Variants in ANKS1B observed in about 807,000 individuals in gnomAD.
The protein encoded by ANKS1B is ankyrin repeat and sterile alpha motif domain-containing protein 1B.
ANKS1B carries 36 observed loss-of-function variants against 148.3 expected under a neutral mutation model. The ratio of observed to expected loss-of-function variants is 0.24; its 90% confidence interval spans 0.19 to 0.32. The LOEUF is 0.32. Ranked by LOEUF, ANKS1B falls within the 10% of genes least tolerant of loss-of-function variation. The probability of loss-of-function intolerance (pLI) is 1.00; values close to 1 mark genes in which losing one functional copy is unlikely to be tolerated. For missense variants in ANKS1B, 1,157 were observed against 1,542.6 expected (o/e 0.75, Z 4.19); for synonymous variants, 542 against 560.8 (o/e 0.97, Z 0.47).
At chr12:99,652,154 A>C (rs1170569652) in intron 9 of ANKS1B, among the ~76,000 whole-genome samples, 3 of 151,106 alleles carry the variant, frequency 2.0e-5, no homozygotes, top group Admixed American at 2.0e-4. Flanking sequence ...ATTCACAGAC[A>C]CACACACACA....
At chr12:99,335,892 C>G (rs1481295118) in intron 12 of ANKS1B, among the ~76,000 whole-genome samples, 1 of 152,100 alleles carries the variant, frequency 6.6e-6, no homozygotes, top group East Asian at 1.9e-4. Context: ...AATGGGATTT[C>G]TGGATCATAT....
intron 12 of ANKS1B, among the ~76,000 whole-genome samples, chr12:99,336,516 C>A (rs2152308245): frequency 6.6e-6 from 1 of 151,992 alleles, no homozygotes; most frequent in South Asian, 2.1e-4. Context: ...AGATGTATGT[C>A]TTTAATCCAC....
At chr12:99,895,416 AC>A (rs1284162883) in intron 1 of ANKS1B, among the ~76,000 whole-genome samples, 17 of 131,716 alleles carry the variant, frequency 1.3e-4, no homozygotes, top group African/African-American at 4.4e-4. Flanking sequence ...CAATCCATCA[AC>A]CCCCAACCCG....
At chr12:99,728,084 A>G (rs2058784583) in intron 8 of ANKS1B, among the ~76,000 whole-genome samples, 1 of 152,226 alleles carries the variant, frequency 6.6e-6, no homozygotes, top group African/African-American at 2.4e-5. Context: ...CAAAGACTTC[A>G]TGATGAAAAC....
intron 1 of ANKS1B, among the ~76,000 whole-genome samples, chr12:99,919,066 T>C (rs1251742537): frequency 6.6e-6 from 1 of 152,020 alleles, no homozygotes; most frequent in Non-Finnish European, 1.5e-5. Flanking sequence ...ATCCTTATCA[T>C]TTAGCATCAC....
chr12:99,424,381 G>C (rs988214113), intron 11 of ANKS1B, among the ~76,000 whole-genome samples: 11 of 152,054 alleles, frequency 7.2e-5, no homozygotes, highest in African/African-American at 2.7e-4. Context: ...TCTAGGTTTG[G>C]AATATAGACT....
At chr12:98,827,521 T>C (rs939198337) in intron 19 of ANKS1B, among the ~76,000 whole-genome samples, 1 of 152,196 alleles carries the variant, frequency 6.6e-6, no homozygotes, top group Non-Finnish European at 1.5e-5. Flanking sequence ...GCATTTCTGA[T>C]TGGAGTGACC....
At chr12:99,775,898 C>A (rs1483740550) in intron 6 of ANKS1B, among the ~76,000 whole-genome samples, 1 of 152,052 alleles carries the variant, frequency 6.6e-6, no homozygotes, top group Non-Finnish European at 1.5e-5. Flanking sequence ...AACTCTTGAA[C>A]CCCTTTCTTC....
chr12:99,146,078 G>A (rs1236516958), intron 15 of ANKS1B, among the ~76,000 whole-genome samples: 1 of 152,020 alleles, frequency 6.6e-6, no homozygotes, highest in Non-Finnish European at 1.5e-5. Flanking sequence ...TACAGTATAT[G>A]GTGAGAATTA....
At chr12:99,740,755 G>A (rs2060021631) in intron 8 of ANKS1B, among the ~76,000 whole-genome samples, 1 of 152,142 alleles carries the variant, frequency 6.6e-6, no homozygotes, top group South Asian at 2.1e-4. Flanking sequence ...AGGGCAAGCT[G>A]AAGCTGGGTG....
intron 17 of ANKS1B, among the ~76,000 whole-genome samples, chr12:98,912,677 T>G (rs1053337974): frequency 2.0e-5 from 3 of 152,228 alleles, no homozygotes; most frequent in African/African-American, 7.2e-5. Context: ...TGGAGACTGG[T>G]GCTAACAAGT....
At chr12:99,827,546 AAAAC>A (rs2083360691) in intron 1 of ANKS1B, among the ~76,000 whole-genome samples, 1 of 152,180 alleles carries the variant, frequency 6.6e-6, no homozygotes, top group African/African-American at 2.4e-5. Flanking sequence ...TCTTGCCACA[AAAAC>A]AAAAAATAAA....
intron 12 of ANKS1B, among the ~76,000 whole-genome samples, chr12:99,258,343 T>C (rs183722793): frequency 1.2e-3 from 178 of 152,068 alleles, no homozygotes; most frequent in Admixed American, 1.7e-3. Flanking sequence ...AAGATCCCCC[T>C]AAAAAGTATA....
chr12:99,767,218 A>T (rs917762238), intron 8 of ANKS1B, among the ~76,000 whole-genome samples: 10 of 152,274 alleles, frequency 6.6e-5, no homozygotes, highest in African/African-American at 2.2e-4. Context: ...AAAGTAAAAT[A>T]ACAGAAAAGA....
intron 25 of ANKS1B, among the ~76,000 whole-genome samples, chr12:98,766,982 A>ATTT (rs11295642): frequency 7.4e-6 from 1 of 134,944 alleles, no homozygotes; most frequent in Non-Finnish European, 1.6e-5. Context: ...TTATTTATTA[A>ATTT]TTTTTTTTTT....
intron 12 of ANKS1B, chr12:99,343,850 T>C (rs2152343084): frequency 6.6e-6 from 1 of 152,184 alleles, no homozygotes; most frequent in South Asian, 2.1e-4. Context: ...GACCTTTTAG[T>C]TGCTACATGC....
At chr12:99,722,763 G>A (rs914179940) in intron 8 of ANKS1B, among the ~76,000 whole-genome samples, 14 of 152,250 alleles carry the variant, frequency 9.2e-5, no homozygotes, top group Admixed American at 5.2e-4. Flanking sequence ...AGCAGCCACC[G>A]TCAGAGGCTC....
At chr12:98,824,314 T>A (rs1000655423) in intron 19 of ANKS1B, among the ~76,000 whole-genome samples, 1 of 152,212 alleles carries the variant, frequency 6.6e-6, no homozygotes, top group African/African-American at 2.4e-5. Flanking sequence ...AATTCCATTC[T>A]CAATCTACAT....
At chr12:99,650,195 G>GTTGAAGATT (rs1251569761) in intron 9 of ANKS1B, 2 of 122,420 alleles carry the variant, frequency 1.6e-5, no homozygotes, top group Non-Finnish European at 3.8e-5. Context: ...AGAATAAAAT[G>GTTGAAGATT]TTGAAGATTA....
Sources: gnomAD v4.1 joint callset for allele counts (sites outside exome capture counted in the v4.1 genomes callset) on GRCh38, gnomAD v4.1.1 for gene constraint, MANE v1.5 for transcripts, NCBI Gene and HGNC (gene_info 2026-07-23, HGNC 2026-07-21) for gene names.